The following ZFHX3 variants were observed in gnomAD, a reference collection of about 807,000 sequenced individuals.
ZFHX3 encodes the protein zinc finger homeobox protein 3.
Under a neutral mutation model 279.1 loss-of-function variants are expected in ZFHX3, and 42 were observed. The observed-to-expected ratio is 0.15, with a 90% confidence interval of 0.12 to 0.19. The LOEUF is 0.19. ZFHX3 is among the 10% of genes least tolerant of loss of function. ZFHX3 has a pLI of 1.00. For synonymous variants in ZFHX3, 2,293 were observed against 1,957.8 expected (o/e 1.17, Z -4.52); for missense variants, 4,981 against 4,754.0 (o/e 1.05, Z -1.40).
chr16:72,921,559 A>C (rs1329556080), intron 3 of ZFHX3, among the ~76,000 whole-genome samples: 1 of 152,224 alleles, frequency 6.6e-6, no homozygotes, highest in Non-Finnish European at 1.5e-5. Context: ...CTTTGGGGCT[A>C]TTCTTATTCT....
Position 73,266,437 on chromosome 16 carries a change from A to G in ZFHX3, c.-1193-9301T>C, listed in dbSNP as rs1296214142. ...TATACTTCCCTTTTGAGATTCAAGA[A>G]CTAAATGAAGAGCTAGGAGGTGCCA... is the stretch of plus-strand genomic sequence containing the variant. On this transcript the variant is annotated intron_variant, in intron 4 of 17. Coordinates refer to the ZFHX3 transcript ENST00000641206. Among the ~76,000 whole-genome samples, 4 of 152,332 alleles carry G rather than the reference A, an allele frequency of 2.6e-5. No individual in the cohort carries two copies. The East Asian group carries it at 7.7e-4, about 29-fold the overall frequency.
intron 1 of ZFHX3, among the ~76,000 whole-genome samples, chr16:73,055,464 C>T (rs1211252941): frequency 2.0e-5 from 3 of 152,070 alleles, no homozygotes; most frequent in Non-Finnish European, 4.4e-5. Flanking sequence ...GGGGTTTTGG[C>T]CTCTGAGCAG....
At chr16:72,956,511 G>A (rs1295407988) in intron 2 of ZFHX3, among the ~76,000 whole-genome samples, 1 of 152,082 alleles carries the variant, frequency 6.6e-6, no homozygotes, top group East Asian at 1.9e-4. Flanking sequence ...GCTGTGGTTC[G>A]TTCTACGTAA....
intron 2 of ZFHX3, among the ~76,000 whole-genome samples, chr16:73,519,345 A>G (rs1004622782): frequency 9.2e-5 from 14 of 152,208 alleles, no homozygotes; most frequent in Admixed American, 2.0e-4. Context: ...GGATTATTCT[A>G]TAAATTTTTA....
At chr16:73,448,988 G>A (rs1045642959) in intron 3 of ZFHX3, among the ~76,000 whole-genome samples, 6 of 152,146 alleles carry the variant, frequency 3.9e-5, no homozygotes, top group African/African-American at 1.4e-4. Flanking sequence ...GAACAAGGAA[G>A]TATGTTTCAT....
chr16:73,506,010 G>T (rs984697983), intron 2 of ZFHX3, among the ~76,000 whole-genome samples: 1 of 152,232 alleles, frequency 6.6e-6, no homozygotes, highest in African/African-American at 2.4e-5. Flanking sequence ...AGACTCAGGG[G>T]ATCACACGAC....
At chr16:73,401,074 T>A (rs2017241540) in intron 3 of ZFHX3, 1 of 151,956 alleles carries the variant, frequency 6.6e-6, no homozygotes, top group Non-Finnish European at 1.5e-5. Flanking sequence ...GAATTTTGCA[T>A]AAAATTCCGT....
intron 1 of ZFHX3, among the ~76,000 whole-genome samples, chr16:73,685,544 C>A (rs1344389447): frequency 6.6e-6 from 1 of 152,188 alleles, no homozygotes; most frequent in East Asian, 1.9e-4. Flanking sequence ...CCCAATGAGA[C>A]CCTTCTCAGA....
At position 73,219,948 on chromosome 16, in the gene ZFHX3, T is replaced by A. The variant is rs1470264414; in HGVS notation, c.-1104+37099A>T. 2.6e-5 allele frequency among the ~76,000 whole-genome samples: 4 copies of A among 151,956 alleles called. No individual in the cohort carries two copies. The East Asian group carries it at 7.7e-4, about 29-fold the overall frequency. On this transcript the variant is annotated intron_variant, in intron 5 of 17. Transcript: ENST00000641206. ...CAAAAATACAAAAATTAGCCAGGTG[T>A]GGTGACACGTGCCTGTAATCCTGGC...
At chr16:73,217,482 A>G (rs1474710413) in intron 5 of ZFHX3, among the ~76,000 whole-genome samples, 2 of 152,200 alleles carry the variant, frequency 1.3e-5, no homozygotes, top group East Asian at 1.9e-4. Context: ...CTGGCCCTAC[A>G]CTAAGCAATT....
At chr16:73,725,373 G>A (rs2053509385) in intron 1 of ZFHX3, among the ~76,000 whole-genome samples, 1 of 152,152 alleles carries the variant, frequency 6.6e-6, no homozygotes, top group Non-Finnish European at 1.5e-5. Context: ...CCTGGAGGGC[G>A]ACAGTTCCTC....
intron 2 of ZFHX3, among the ~76,000 whole-genome samples, chr16:73,580,924 T>C (rs997400392): frequency 1.3e-4 from 19 of 151,822 alleles, no homozygotes; most frequent in Non-Finnish European, 2.1e-4. Context: ...TGTGACCTTA[T>C]ATATTTCTTG....
At chr16:72,865,836 A>G (rs2038006066) in intron 4 of ZFHX3, among the ~76,000 whole-genome samples, 1 of 152,122 alleles carries the variant, frequency 6.6e-6, no homozygotes, top group South Asian at 2.1e-4. Context: ...GGTCATGGTT[A>G]CGCCACTCAT....
chr16:72,825,009 A>C (rs1485589429), intron 5 of ZFHX3, among the ~76,000 whole-genome samples: 1 of 152,260 alleles, frequency 6.6e-6, no homozygotes, highest in Admixed American at 6.5e-5. Context: ...TTTCCTTGAC[A>C]AGATGTGCCC....
Position 73,128,906 on chromosome 16 carries a change from A to G in ZFHX3, c.-897+2062T>C, listed in dbSNP as rs1159305600. ...TAACGGGGATGGTAACACTCACCTC[A>G]TGTGGTTGTTGGAGTAATGGTCATG... On this transcript the variant is annotated intron_variant, in intron 7 of 17. Transcript: ENST00000641206. Among the ~76,000 whole-genome samples the G allele has an allele frequency of 2.6e-5, 4 of 152,298 alleles. No individual in the cohort carries two copies. The South Asian group carries it at 8.3e-4, about 32-fold the overall frequency.
At chr16:73,182,178 C>T (rs1003319583) in intron 5 of ZFHX3, among the ~76,000 whole-genome samples, 3 of 152,146 alleles carry the variant, frequency 2.0e-5, no homozygotes, top group Admixed American at 6.5e-5. Flanking sequence ...TAGGGAGGGC[C>T]GGGTGAGGTG....
intron 2 of ZFHX3, among the ~76,000 whole-genome samples, chr16:72,952,309 T>C (rs941596601): frequency 4.6e-5 from 7 of 152,180 alleles, no homozygotes; most frequent in African/African-American, 1.7e-4. Context: ...CTCTGGTCAA[T>C]ATCCCTCCCG....
rs569521786 is a variant in ZFHX3, at chr16:73,017,186, T to C, written c.-50+30566A>G. Among the ~76,000 whole-genome samples, 11 of 151,456 alleles carry C rather than the reference T, an allele frequency of 7.3e-5. No individual in the cohort carries two copies. The South Asian group carries it at 1.1e-3, about 14-fold the overall frequency. ...AGGTTGAGGCTGCATGGAGCTGTGATTGTGCCACTGCAATCCAGACTGAGC... is the reference window on the plus strand; with the variant it reads ...AGGTTGAGGCTGCATGGAGCTGTGACTGTGCCACTGCAATCCAGACTGAGC... On this transcript the variant is annotated intron_variant, in intron 1 of 9. Coordinates refer to ENST00000268489, the MANE Select transcript of ZFHX3 (RefSeq NM_006885.4).
chr16:73,193,041 G>C (rs1968075781), intron 5 of ZFHX3, among the ~76,000 whole-genome samples: 1 of 152,196 alleles, frequency 6.6e-6, no homozygotes, highest in African/African-American at 2.4e-5. Context: ...GCTTTGCGTG[G>C]GTTCAGGGTG....
Sources: gnomAD v4.1 joint callset for allele counts (sites outside exome capture counted in the v4.1 genomes callset) on GRCh38, gnomAD v4.1.1 for gene constraint, MANE v1.5 for transcripts, NCBI Gene and HGNC (gene_info 2026-07-23, HGNC 2026-07-21) for gene names.